IL1RAPL2: variants seen among roughly 807,000 people sequenced by gnomAD.
IL1RAPL2 encodes the protein X-linked interleukin-1 receptor accessory protein-like 2.
A neutral mutation model predicts 44.1 loss-of-function variants in IL1RAPL2; 3 were observed. The observed-to-expected ratio is 0.07, with a 90% CI of 0.03 to 0.18. IL1RAPL2 has a LOEUF of 0.18. IL1RAPL2 is among the 10% of genes least tolerant of loss of function. The pLI, the probability that IL1RAPL2 is intolerant of heterozygous loss-of-function variation, is 1.00. For missense variants in IL1RAPL2, 391 were observed against 496.4 expected (o/e 0.79, Z 2.02); for synonymous variants, 181 against 178.8 (o/e 1.01, Z -0.10).
chrX:105,120,925 T>C (rs1402292146), intron 2 of IL1RAPL2, among the ~76,000 whole-genome samples: 3 of 111,364 alleles, frequency 2.7e-5, no homozygotes, highest in Admixed American at 9.6e-5. Flanking sequence ...CCTTTTTTTT[T>C]TCCTCTGCTG....
intron 1 of IL1RAPL2, among the ~76,000 whole-genome samples, chrX:104,591,053 C>A (rs912106964): frequency 9.0e-6 from 1 of 111,678 alleles, no homozygotes; most frequent in Non-Finnish European, 1.9e-5. Flanking sequence ...TACACATACA[C>A]AGGCAAGGAA....
chrX:104,756,837 A>T (rs1306972692), intron 2 of IL1RAPL2, among the ~76,000 whole-genome samples: 1 of 109,610 alleles, frequency 9.1e-6, no homozygotes, highest in African/African-American at 3.3e-5. Context: ...TATTTGGGGG[A>T]AGAATATTTC....
chrX:104,751,244 T>C (rs748334163), intron 2 of IL1RAPL2, among the ~76,000 whole-genome samples: 18 of 111,798 alleles, frequency 1.6e-4, no homozygotes, highest in African/African-American at 5.8e-4. Context: ...CAAATATTTA[T>C]TGGGCACAAA....
chrX:104,687,921 G>A (rs1352022550), intron 2 of IL1RAPL2, among the ~76,000 whole-genome samples: 10 of 111,092 alleles, frequency 9.0e-5, no homozygotes, highest in East Asian at 2.8e-4. Context: ...AGCCAGGTTC[G>A]TTCTAAATAA....
chrX:104,779,891 G>GA (rs892080680), intron 2 of IL1RAPL2, among the ~76,000 whole-genome samples: 27 of 108,594 alleles, frequency 2.5e-4, no homozygotes, highest in Non-Finnish European at 3.5e-4. Flanking sequence ...TATAGTACCA[G>GA]AAAAAAAAAT....
chrX:104,803,422 A>G (rs1602735161), intron 2 of IL1RAPL2, among the ~76,000 whole-genome samples: 1 of 112,196 alleles, frequency 8.9e-6, no homozygotes, highest in African/African-American at 3.2e-5. Context: ...GCCAGGCTCT[A>G]TTGGAATAGG....
At chrX:104,773,696 T>A (rs1214784697) in intron 2 of IL1RAPL2, among the ~76,000 whole-genome samples, 1 of 112,256 alleles carries the variant, frequency 8.9e-6, no homozygotes, top group East Asian at 2.8e-4. Flanking sequence ...AAATATAACT[T>A]CTGGAGTTGC....
At chrX:105,592,215 T>A (rs1444895224) in intron 6 of IL1RAPL2, among the ~76,000 whole-genome samples, 1 of 112,118 alleles carries the variant, frequency 8.9e-6, no homozygotes, top group Non-Finnish European at 1.9e-5. Context: ...AGGTCTGTTT[T>A]GTGTGAAGTT....
At chrX:105,185,706 C>T (rs896743580) in intron 2 of IL1RAPL2, among the ~76,000 whole-genome samples, 1 of 112,251 alleles carries the variant, frequency 8.9e-6, no homozygotes, top group Admixed American at 9.5e-5. Context: ...CCTGACATAT[C>T]TTCAGTCAAG....
intron 5 of IL1RAPL2, among the ~76,000 whole-genome samples, chrX:105,309,335 C>A (rs1227289360): frequency 9.1e-6 from 1 of 109,607 alleles, no homozygotes; most frequent in Admixed American, 9.8e-5. Context: ...TCGTGCCTGG[C>A]CACATTATGT....
chrX:105,474,812 AT>A (rs749812424), intron 5 of IL1RAPL2, among the ~76,000 whole-genome samples: 6 of 109,442 alleles, frequency 5.5e-5, no homozygotes, highest in Non-Finnish European at 1.1e-4. Context: ...TTATTTATTT[AT>A]TTTTTTTGGT....
chrX:104,728,966 T>C (rs767878273), intron 2 of IL1RAPL2, among the ~76,000 whole-genome samples: 84 of 111,895 alleles, frequency 7.5e-4, no homozygotes, highest in South Asian at 7.5e-4. Flanking sequence ...TCTTGTATTA[T>C]AGTCTAGGAG....
intron 5 of IL1RAPL2, among the ~76,000 whole-genome samples, chrX:105,274,306 G>A (rs1353192091): frequency 2.7e-5 from 3 of 111,979 alleles, no homozygotes; most frequent in Non-Finnish European, 5.6e-5. Flanking sequence ...AAAAAGCAAG[G>A]AAAAGTGAGG....
At chrX:105,148,090 G>T (rs748367854) in intron 2 of IL1RAPL2, among the ~76,000 whole-genome samples, 43 of 111,096 alleles carry the variant, frequency 3.9e-4, no homozygotes, top group African/African-American at 8.5e-4. Flanking sequence ...GGAGGTAATT[G>T]TTTTATTTTT....
At chrX:104,705,651 A>T (rs1355131775) in intron 2 of IL1RAPL2, among the ~76,000 whole-genome samples, 1 of 111,409 alleles carries the variant, frequency 9.0e-6, no homozygotes, top group Non-Finnish European at 1.9e-5. Context: ...CTGAGCTCAG[A>T]ATTTATGTAC....
intron 1 of IL1RAPL2, among the ~76,000 whole-genome samples, chrX:104,627,831 C>T (rs895259572): frequency 9.0e-6 from 1 of 110,842 alleles, no homozygotes; most frequent in African/African-American, 3.3e-5. Flanking sequence ...CCAGTAATTG[C>T]TCAACCTGCC....
chrX:104,897,177 C>T (rs1353561414), intron 2 of IL1RAPL2, among the ~76,000 whole-genome samples: 1 of 111,929 alleles, frequency 8.9e-6, no homozygotes, highest in Non-Finnish European at 1.9e-5. Context: ...GGATCACAGG[C>T]AGTTATTATC....
intron 1 of IL1RAPL2, among the ~76,000 whole-genome samples, chrX:104,642,045 T>C (rs1319087108): frequency 1.8e-5 from 2 of 111,158 alleles, no homozygotes; most frequent in Non-Finnish European, 1.9e-5. Flanking sequence ...ATAGCCAAGA[T>C]TGCATGATTC....
chrX:105,680,008 T>TTTAA (rs2037909863), intron 6 of IL1RAPL2, among the ~76,000 whole-genome samples: 1 of 111,314 alleles, frequency 9.0e-6, no homozygotes, highest in East Asian at 2.8e-4. Context: ...TCTTTCTTTT[T>TTTAA]TTAATTTTTT....
Sources: gnomAD v4.1 joint callset for allele counts (sites outside exome capture counted in the v4.1 genomes callset) on GRCh38, gnomAD v4.1.1 for gene constraint, MANE v1.5 for transcripts, NCBI Gene and HGNC (gene_info 2026-07-23, HGNC 2026-07-21) for gene names.